RORA: variants seen among roughly 807,000 people sequenced by gnomAD.
RORA encodes the protein RAR related orphan receptor A.
A neutral mutation model predicts 69.5 loss-of-function variants in RORA; 7 were observed. The ratio of observed to expected loss-of-function variants is 0.10; its 90% confidence interval spans 0.06 to 0.19. RORA has a LOEUF of 0.19. RORA is among the 10% of genes least tolerant of loss of function. RORA has a pLI of 1.00. For synonymous variants in RORA, 261 were observed against 240.8 expected (o/e 1.08, Z -0.78); for missense variants, 457 against 663.0 (o/e 0.69, Z 3.41).
intron 1 of RORA, among the ~76,000 whole-genome samples, chr15:61,159,401 C>T (rs989731985): frequency 6.6e-6 from 1 of 152,154 alleles, no homozygotes; most frequent in African/African-American, 2.4e-5. Context: ...TACTTACCAG[C>T]TTGTCACCCA....
intron 1 of RORA, among the ~76,000 whole-genome samples, chr15:60,696,951 TA>T (rs2070915337): frequency 6.6e-6 from 1 of 152,204 alleles, no homozygotes; most frequent in African/African-American, 2.4e-5. Flanking sequence ...CAAATCGACT[TA>T]ATGAGTGTGA....
chr15:61,031,610 C>T (rs1208069158), intron 1 of RORA, among the ~76,000 whole-genome samples: 1 of 152,124 alleles, frequency 6.6e-6, no homozygotes, highest in African/African-American at 2.4e-5. Context: ...ACTATATCTA[C>T]TGACTTTTAG....
intron 1 of RORA, among the ~76,000 whole-genome samples, chr15:60,707,651 C>T (rs1373765824): frequency 1.3e-5 from 2 of 152,198 alleles, no homozygotes; most frequent in South Asian, 2.1e-4. Context: ...GCGTGAGCCA[C>T]CGCACCTGGC....
At chr15:60,944,349 A>C (rs1892798102) in intron 1 of RORA, among the ~76,000 whole-genome samples, 1 of 152,164 alleles carries the variant, frequency 6.6e-6, no homozygotes, top group Non-Finnish European at 1.5e-5. Context: ...CACCGTACTA[A>C]GGGCCAGGGA....
At chr15:60,912,182 G>A (rs1443191512) in intron 1 of RORA, among the ~76,000 whole-genome samples, 1 of 152,028 alleles carries the variant, frequency 6.6e-6, no homozygotes, top group Non-Finnish European at 1.5e-5. Flanking sequence ...CGACCCATGT[G>A]GGAGGATTGC....
At chr15:60,930,986 G>T (rs1168338764) in intron 1 of RORA, among the ~76,000 whole-genome samples, 2 of 152,230 alleles carry the variant, frequency 1.3e-5, no homozygotes, top group Admixed American at 6.5e-5. Context: ...GAGGGTAAAA[G>T]GGTGTAGGTG....
At chr15:60,541,521 T>C (rs2066871864) in intron 2 of RORA, among the ~76,000 whole-genome samples, 1 of 152,218 alleles carries the variant, frequency 6.6e-6, no homozygotes, top group African/African-American at 2.4e-5. Context: ...TGTGGATAGC[T>C]GAAGCACAGT....
At chr15:61,042,292 A>G (rs756869872) in intron 1 of RORA, among the ~76,000 whole-genome samples, 13 of 152,210 alleles carry the variant, frequency 8.5e-5, no homozygotes, top group African/African-American at 1.4e-4. Flanking sequence ...AGAAGGTGCT[A>G]TCAATAATTA....
Position 60,829,079 on chromosome 15 carries a change from G to C in RORA, c.167-150393C>G, listed in dbSNP as rs541865514. 2.3e-4 allele frequency among the ~76,000 whole-genome samples: 35 copies of C among 152,296 alleles called. No homozygotes were observed. The South Asian group carries it at 7.3e-3, about 32-fold the overall frequency. On this transcript the variant is annotated intron_variant, in intron 1 of 10. Coordinates refer to ENST00000335670, the MANE Select transcript of RORA (RefSeq NM_134261.3). ...TTGGAGCCAGTGAGAGAACCAGTCA[G>C]ACAGAGCATTCAGTAAGAACCTATC...
chr15:61,101,010 G>T (rs140272929), intron 1 of RORA, among the ~76,000 whole-genome samples: 1 of 152,218 alleles, frequency 6.6e-6, no homozygotes, highest in Admixed American at 6.5e-5. Context: ...TCTCCTTGAA[G>T]ATAGATAATG....
intron 1 of RORA, among the ~76,000 whole-genome samples, chr15:61,227,433 C>T (rs547481513): frequency 6.6e-6 from 1 of 152,298 alleles, no homozygotes; most frequent in African/African-American, 2.4e-5. Flanking sequence ...CGCCGCCCCC[C>T]TCCCGCTGAA....
chr15:60,881,862 A>G (rs1374803227), intron 1 of RORA, among the ~76,000 whole-genome samples: 1 of 152,246 alleles, frequency 6.6e-6, no homozygotes, highest in Non-Finnish European at 1.5e-5. Flanking sequence ...CTGATGAAAA[A>G]TAAAGATGAT....
At chr15:60,779,765 C>T (rs933544409) in intron 1 of RORA, among the ~76,000 whole-genome samples, 2 of 152,186 alleles carry the variant, frequency 1.3e-5, no homozygotes, top group African/African-American at 2.4e-5. Context: ...CTACATTTCC[C>T]CAGGAATTGC....
At chr15:61,082,583 G>C (rs376205517) in intron 1 of RORA, among the ~76,000 whole-genome samples, 2 of 152,128 alleles carry the variant, frequency 1.3e-5, no homozygotes, top group South Asian at 4.1e-4. Flanking sequence ...TGTAAACGTG[G>C]GTTCTGCAGC....
intron 1 of RORA, among the ~76,000 whole-genome samples, chr15:60,738,405 C>G (rs1227913362): frequency 6.6e-6 from 1 of 152,224 alleles, no homozygotes; most frequent in Non-Finnish European, 1.5e-5. Flanking sequence ...CCACAAATTC[C>G]TGGGCTGCTC....
At chr15:61,166,784 A>G (rs1567019559) in intron 1 of RORA, among the ~76,000 whole-genome samples, 1 of 152,142 alleles carries the variant, frequency 6.6e-6, no homozygotes. Flanking sequence ...CTTGTGAAGC[A>G]GAACATACCC....
At chr15:61,049,628 C>CA (rs1897207560) in intron 1 of RORA, among the ~76,000 whole-genome samples, 1 of 152,066 alleles carries the variant, frequency 6.6e-6, no homozygotes, top group Non-Finnish European at 1.5e-5. Flanking sequence ...AACTATAGGT[C>CA]AGACAAAGCT....
intron 1 of RORA, among the ~76,000 whole-genome samples, chr15:60,835,375 A>G (rs1567207952): frequency 6.6e-6 from 1 of 152,216 alleles, no homozygotes; most frequent in Non-Finnish European, 1.5e-5. Flanking sequence ...TCAATCATAT[A>G]ATCTTTCTGA....
chr15:60,940,129 A>C (rs931422830), intron 1 of RORA, among the ~76,000 whole-genome samples: 12 of 152,244 alleles, frequency 7.9e-5, no homozygotes, highest in African/African-American at 2.6e-4. Context: ...AAAATGTTTC[A>C]CTCTAATAGT....
Sources: gnomAD v4.1 joint callset for allele counts (sites outside exome capture counted in the v4.1 genomes callset) on GRCh38, gnomAD v4.1.1 for gene constraint, MANE v1.5 for transcripts, NCBI Gene and HGNC (gene_info 2026-07-23, HGNC 2026-07-21) for gene names.